RCC1L: variants seen among roughly 807,000 people sequenced by gnomAD.
RCC1L encodes RCC1 like, also known as RCC1-like G exchanging factor-like protein.
Under a neutral mutation model 58.6 loss-of-function variants are expected in RCC1L, and 46 were observed. The observed-to-expected ratio is 0.79, with a 90% CI of 0.62 to 1.00. The LOEUF (loss-of-function observed/expected upper bound fraction) is 1.00, where lower values mean the gene tolerates loss of function less well. Among genes scored for constraint, RCC1L ranks in the 50% least tolerant of loss-of-function variants. The pLI is 0.00. For synonymous variants in RCC1L, 281 were observed against 262.9 expected, an observed-to-expected ratio of 1.07 and a Z score of -0.67; for missense variants, 636 against 623.6, an observed-to-expected ratio of 1.02 and a Z score of -0.21.
chr7:75,067,301 G>A (rs62476594), intron 2 of RCC1L, among the ~76,000 whole-genome samples: 1 of 143,060 alleles, frequency 7.0e-6, no homozygotes, highest in Non-Finnish European at 1.5e-5. Flanking sequence ...GACTTCATCT[G>A]GAAAAAAAAA....
chr7:75,030,292 C>G (rs1252675574), intron 10 of RCC1L, among the ~76,000 whole-genome samples: 1 of 152,200 alleles, frequency 6.6e-6, no homozygotes, highest in African/African-American at 2.4e-5. Flanking sequence ...GAGCCCACAC[C>G]TGAGATATGG....
At chr7:75,055,709 G>A in intron 9 of RCC1L, 192 bp downstream of exon 9, 1 of 665,092 alleles carries the variant, frequency 1.5e-6, no homozygotes, top group South Asian at 1.9e-5. Context: ...TAAAACTCCA[G>A]GGGGGGAAAA....
chr7:75,063,416 C>T (rs1554444692), intron 4 of RCC1L, 73 bp from the exon 5 acceptor site: 1 of 1,499,274 alleles, frequency 6.7e-7, no homozygotes, highest in African/African-American at 1.4e-5. Flanking sequence ...CTTTCCCTGT[C>T]ACCCCAACTG....
Position 75,043,018 on chromosome 7 carries a change from C to G in RCC1L, c.*14G>C. 6.2e-7 allele frequency: 1 copy of G among 1,614,026 alleles called. No homozygotes were observed. Among genetic ancestry groups the G allele is most frequent in the Non-Finnish European group, 8.5e-7 (1 of 1,179,872 alleles). The stretch of plus-strand genomic sequence containing the variant: ...GGTTCCCGGGACGGGGCCGCCCAAG[C>G]AGGTGAGGGAGGTTTAGATGAATGA... On this transcript the variant is annotated 3_prime_UTR_variant, in exon 11 of 11. Coordinates refer to ENST00000610322, the MANE Select transcript of RCC1L (RefSeq NM_030798.5).
At chr7:75,066,178 G>A (rs587679899) in intron 3 of RCC1L, among the ~76,000 whole-genome samples, 62 of 152,098 alleles carry the variant, frequency 4.1e-4, no homozygotes, top group South Asian at 3.7e-3. Context: ...GTGGCCAGGT[G>A]CAGTGGCTCA....
At chr7:75,061,737 A>C (rs1806285416) in intron 5 of RCC1L, among the ~76,000 whole-genome samples, 1 of 152,002 alleles carries the variant, frequency 6.6e-6, no homozygotes, top group Non-Finnish European at 1.5e-5. Context: ...AGCCATTCTC[A>C]ATGCTTAACT....
Position 75,036,369 on chromosome 7 carries a change from G to A in RCC1L, c.1318-8290C>T, listed in dbSNP as rs879237214. On this transcript the variant is annotated intron_variant, in intron 10 of 10. Coordinates refer to the RCC1L transcript ENST00000614461. ...ACTCCCGACCTCAGGTGACCTGCCC[G>A]CTTAGCCTCCCAAAGTGCTGAGATT... Among the ~76,000 whole-genome samples the A allele has an allele frequency of 3.5e-3, 533 of 151,518 alleles. 11 individuals are homozygous for A. In the East Asian group the frequency reaches 0.046, roughly 13 times the overall value.
At chr7:75,070,898 C>T in intron 1 of RCC1L, 129 bp from the exon 2 acceptor site, 1 of 1,216,130 alleles carries the variant, frequency 8.2e-7, no homozygotes, top group Non-Finnish European at 1.1e-6. Context: ...GTTTTTGAGA[C>T]AGTCTCACTC....
At chr7:75,072,027 T>C (rs1806748526) in intron 1 of RCC1L, among the ~76,000 whole-genome samples, 1 of 147,202 alleles carries the variant, frequency 6.8e-6, no homozygotes. Context: ...ATCCAGGAGG[T>C]CGAGGCTGCA....
At chr7:75,032,705 G>A (rs986993039) in intron 10 of RCC1L, among the ~76,000 whole-genome samples, 4 of 152,128 alleles carry the variant, frequency 2.6e-5, no homozygotes, top group Non-Finnish European at 5.9e-5. Flanking sequence ...CTGAGCCCAA[G>A]AGAGTTCTAG....
intron 10 of RCC1L, among the ~76,000 whole-genome samples, chr7:75,051,207 T>A (rs1461616596): frequency 8.9e-5 from 13 of 146,148 alleles, no homozygotes; most frequent in Admixed American, 3.4e-4. Context: ...TTAATATATA[T>A]AAACGTATAA....
chr7:75,040,135 C>T (rs1017367461), downstream of RCC1L, among the ~76,000 whole-genome samples: 18 of 152,278 alleles, frequency 1.2e-4, no homozygotes, highest in African/African-American at 4.3e-4. Context: ...GACGTCCCTG[C>T]TTCTACACTG....
At chr7:75,039,672 CA>C (rs2131972927), downstream of RCC1L, among the ~76,000 whole-genome samples, 1 of 152,254 alleles carries the variant, frequency 6.6e-6, no homozygotes, top group Non-Finnish European at 1.5e-5. Flanking sequence ...CTACGTCTTC[CA>C]CCCGGGTGCC....
At chr7:75,029,353 TGGG>T (rs1246638181) in intron 10 of RCC1L, among the ~76,000 whole-genome samples, 2 of 142,886 alleles carry the variant, frequency 1.4e-5, no homozygotes, top group African/African-American at 2.6e-5. Context: ...AGCCCTGCAA[TGGG>T]GGGATCTTTT....
intron 2 of RCC1L, among the ~76,000 whole-genome samples, chr7:75,068,338 A>AG (rs1217020918): frequency 5.5e-5 from 8 of 146,762 alleles, no homozygotes; most frequent in Admixed American, 1.4e-4. Flanking sequence ...AAAAAAAAAA[A>AG]GTAATGTAAC....
At chr7:75,059,262 T>C (rs1554444300) in intron 6 of RCC1L, among the ~76,000 whole-genome samples, 1 of 149,006 alleles carries the variant, frequency 6.7e-6, no homozygotes, top group African/African-American at 2.5e-5. Flanking sequence ...TGCATGCTCA[T>C]ACAACTTTTT....
At chr7:75,064,675 A>G (rs1806400009) in intron 3 of RCC1L, 27 bp from the exon 4 acceptor site, 1 of 1,611,988 alleles carries the variant, frequency 6.2e-7, no homozygotes, top group Non-Finnish European at 8.5e-7. Flanking sequence ...CAATCAAATC[A>G]GTTCTGCAGG....
At chr7:75,065,698 A>G (rs1417637314) in intron 3 of RCC1L, among the ~76,000 whole-genome samples, 1 of 152,212 alleles carries the variant, frequency 6.6e-6, no homozygotes, top group Non-Finnish European at 1.5e-5. Flanking sequence ...GTGTTAGCAA[A>G]TAGGCTTCTT....
At chr7:75,066,362 G>C (rs900951725) in intron 3 of RCC1L, among the ~76,000 whole-genome samples, 1 of 152,012 alleles carries the variant, frequency 6.6e-6, no homozygotes, top group East Asian at 1.9e-4. Flanking sequence ...GCTGAGGCAG[G>C]AGAATGGCGT....
Sources: gnomAD v4.1 joint callset for allele counts (sites outside exome capture counted in the v4.1 genomes callset) on GRCh38, gnomAD v4.1.1 for gene constraint, MANE v1.5 for transcripts, NCBI Gene and HGNC (gene_info 2026-07-23, HGNC 2026-07-21) for gene names.